TDP1: variants seen among roughly 807,000 people sequenced by gnomAD.
The protein encoded by TDP1 is tyrosyl-DNA phosphodiesterase 1, also known as tyr-DNA phosphodiesterase 1.
A neutral mutation model predicts 81.5 loss-of-function variants in TDP1; 64 were observed. That is an observed-to-expected ratio of 0.79 (90% CI 0.64 to 0.97). The LOEUF (loss-of-function observed/expected upper bound fraction) is 0.97. Among genes scored for constraint, TDP1 ranks in the 50% least tolerant of loss-of-function variants. The probability of loss-of-function intolerance (pLI) is 0.00; values close to 1 mark genes in which losing one functional copy is unlikely to be tolerated. For synonymous variants in TDP1, 256 were observed against 264.3 expected, an observed-to-expected ratio of 0.97 and a Z score of 0.30; for missense variants, 723 against 743.8, an observed-to-expected ratio of 0.97 and a Z score of 0.33.
At chr14:90,019,277 C>T in intron 14 of TDP1, 39 bp from the exon 15 acceptor site, 2 of 1,425,848 alleles carry the variant, frequency 1.4e-6, no homozygotes, top group Non-Finnish European at 2.0e-6. Context: ...ACTGAGATGC[C>T]TCCCTGAGTC....
chr14:89,994,999 CATTT>C (rs1214581092), intron 14 of TDP1, among the ~76,000 whole-genome samples: 9 of 152,200 alleles, frequency 5.9e-5, no homozygotes, highest in Admixed American at 5.9e-4. Flanking sequence ...TCAGTTTACT[CATTT>C]AATATTTGTC....
rs1340432713 is a variant in TDP1 at position 89,998,434 on chromosome 14, ATG to A, written c.1541+4953_1541+4954del. ...TATATATATATATATGTATGTATGT[ATG>A]TATGTATATGTATATGTATATATAT... On this transcript the variant is annotated intron_variant, in intron 14 of 16. Transcript: ENST00000335725. Among the ~76,000 whole-genome samples the A allele has an allele frequency of 8.3e-3, 981 of 118,186 alleles. 90 individuals carry two copies. Among genetic ancestry groups the A allele is most frequent in the African/African-American group, 0.039 (915 of 23,742 alleles). The allele number at this position is 118,186 out of a possible 152,430, so 77.5% of individuals were successfully genotyped here. A position where few individuals can be genotyped will look rare whatever the true frequency, so the allele number is the denominator to read the frequency against.
At chr14:89,992,998 A>C (rs554882870) in intron 13 of TDP1, 1 of 945,792 alleles carries the variant, frequency 1.1e-6, no homozygotes, top group East Asian at 1.2e-4. Context: ...GCTTTTGCTG[A>C]GCCTCTACTC....
At chr14:89,977,227 T>G (rs1484586640) in intron 7 of TDP1, among the ~76,000 whole-genome samples, 1 of 152,254 alleles carries the variant, frequency 6.6e-6, no homozygotes, top group Non-Finnish European at 1.5e-5. Flanking sequence ...TAGTTTACAT[T>G]TTGTTGAAAT....
chr14:90,043,229 T>A lies in TDP1; in HGVS notation c.*86T>A. 1 of 1,546,110 alleles carries A rather than the reference T, an allele frequency of 6.5e-7. No homozygotes were observed. Among genetic ancestry groups the A allele is most frequent in the Non-Finnish European group, 8.9e-7 (1 of 1,125,026 alleles). Reference sequence around the variant, plus strand: ...TCTTTGTACTGGATGTCCACTTCCCTTAAAGTCTTATTTGCACCCTTACAA... The same window carrying A: ...TCTTTGTACTGGATGTCCACTTCCCATAAAGTCTTATTTGCACCCTTACAA... On this transcript the variant is annotated 3_prime_UTR_variant, in exon 17 of 17. Transcript: ENST00000335725.
At chr14:90,040,841 G>A (rs1389523234) in intron 16 of TDP1, among the ~76,000 whole-genome samples, 1 of 152,154 alleles carries the variant, frequency 6.6e-6, no homozygotes, top group Non-Finnish European at 1.5e-5. Flanking sequence ...GTAGTGATGG[G>A]CTTTTCAGCC....
At chr14:90,034,087 T>TAGGA (rs1887587762) in intron 16 of TDP1, among the ~76,000 whole-genome samples, 1 of 152,104 alleles carries the variant, frequency 6.6e-6, no homozygotes, top group Non-Finnish European at 1.5e-5. Context: ...AAAAAGTTCT[T>TAGGA]ATGACAATTT....
At chr14:89,994,158 A>T (rs1426612568) in intron 14 of TDP1, among the ~76,000 whole-genome samples, 2 of 152,256 alleles carry the variant, frequency 1.3e-5, no homozygotes, top group Non-Finnish European at 2.9e-5. Context: ...ATTCAGTAAC[A>T]TAATTAATGT....
chr14:90,034,652 T>C (rs957812984), intron 16 of TDP1, among the ~76,000 whole-genome samples: 1 of 152,128 alleles, frequency 6.6e-6, no homozygotes, highest in Non-Finnish European at 1.5e-5. Context: ...AAATGGCAAA[T>C]TACATCACCA....
intron 7 of TDP1, chr14:89,980,214 A>G (rs1003418559): frequency 1.0e-6 from 1 of 985,426 alleles, no homozygotes; most frequent in Non-Finnish European, 1.2e-6. Flanking sequence ...ACCAGACCAG[A>G]AGGTTCCAAC....
chr14:90,036,678 C>CTTGGAA (rs1276031785), intron 16 of TDP1, among the ~76,000 whole-genome samples: 3 of 152,156 alleles, frequency 2.0e-5, no homozygotes, highest in African/African-American at 7.2e-5. Context: ...CATCTAGGTG[C>CTTGGAA]TTGGAATATG....
intron 14 of TDP1, among the ~76,000 whole-genome samples, chr14:90,016,758 G>A (rs772236975): frequency 6.6e-6 from 1 of 151,912 alleles, no homozygotes; most frequent in African/African-American, 2.4e-5. Flanking sequence ...CAATTTCCTA[G>A]TTATGTTTCT....
Position 90,019,428 on chromosome 14 carries a change from C to T in TDP1, c.1644+10C>T, listed in dbSNP as rs543483861. 29 of 1,425,894 alleles carry T rather than the reference C, an allele frequency of 2.0e-5. No homozygotes were observed. The highest frequency in any genetic ancestry group is 2.9e-5 in the Non-Finnish European group (29 of 1,008,086). The allele number at this position is 1,425,894 out of a possible 1,614,324, so 88.3% of individuals were successfully genotyped here. ...CCTCCCTTCAGCATTTGTAAGTTTA[C>T]ACTTCCAACTGCACAGTGGGTCACA... On this transcript the variant is annotated intron_variant, in intron 15 of 16. Coordinates refer to ENST00000335725, the MANE Select transcript of TDP1 (RefSeq NM_018319.4).
At position 90,019,413 on chromosome 14, in the gene TDP1, G is replaced by T. The variant is rs1885706570; in HGVS notation, c.1639G>T (p.Ala547Ser). The T allele has an allele frequency of 6.3e-7, 1 of 1,580,938 alleles. No individual in the cohort carries two copies. Among genetic ancestry groups the T allele is most frequent in the Non-Finnish European group, 8.7e-7 (1 of 1,149,656 alleles). ...GCTCGGGGTCCTTTTCCTCCCTTCA[G>T]CATTTGTAAGTTTACACTTCCAACT... The part of the protein sequence containing the change: ...YELGVLFLPS[A>S]FGLDSFKVKQ... The change falls in exon 15 of 17, where the codon GCA becomes TCA. Residue 547 changes from alanine to serine, a missense_variant. Transcript: ENST00000335725.
intron 16 of TDP1, among the ~76,000 whole-genome samples, chr14:90,040,985 C>G (rs1596737979): frequency 1.3e-5 from 2 of 152,104 alleles, no homozygotes; most frequent in Admixed American, 6.5e-5. Context: ...CATTTATGAC[C>G]TAATTTTGAG....
At chr14:90,015,254 C>G (rs534196869) in intron 14 of TDP1, among the ~76,000 whole-genome samples, 1 of 152,336 alleles carries the variant, frequency 6.6e-6, no homozygotes, top group African/African-American at 2.4e-5. Context: ...ATGTGCCTGC[C>G]TGCCTTCTCC....
intron 16 of TDP1, among the ~76,000 whole-genome samples, chr14:90,041,565 C>T (rs1211652230): frequency 6.6e-6 from 1 of 152,206 alleles, no homozygotes. Flanking sequence ...CTGTGACCTA[C>T]CATCTGCCTC....
intron 12 of TDP1, chr14:89,991,580 T>C (rs757320514): frequency 4.5e-5 from 44 of 984,940 alleles, no homozygotes; most frequent in Non-Finnish European, 4.6e-5. Context: ...TAGCGAGTTG[T>C]CATTAGTTTT....
rs192389744 is a variant in TDP1 at position 89,967,007 on chromosome 14, A to G, written c.604-360A>G. ...TGTCTCCAGTATCTGTCTTTTTATAATCACCTAGGGGAAAAGGGATAAATT... is the reference window on the plus strand; with the variant it reads ...TGTCTCCAGTATCTGTCTTTTTATAGTCACCTAGGGGAAAAGGGATAAATT... On this transcript the variant is annotated intron_variant, in intron 4 of 16. Coordinates refer to ENST00000335725, the MANE Select transcript of TDP1 (RefSeq NM_018319.4). 4.0e-5 allele frequency: 39 copies of G among 985,042 alleles called. No individual in the cohort carries two copies. In the Admixed American group the frequency reaches 8.0e-4, roughly 20 times the overall value. The allele number at this position is 985,042 out of a possible 1,614,324, so 61.0% of individuals were successfully genotyped here.
Sources: allele counts gnomAD v4.1 joint callset (sites outside exome capture counted in the v4.1 genomes callset), GRCh38; gene constraint gnomAD v4.1.1; transcripts MANE v1.5; gene names NCBI Gene and HGNC (gene_info 2026-07-23, HGNC 2026-07-21).